ACTN4: variants seen among roughly 807,000 people sequenced by gnomAD.
The protein encoded by ACTN4 is actinin alpha 4, also known as alpha-actinin-4.
ACTN4 carries 18 observed loss-of-function variants against 114.2 expected under a neutral mutation model. The observed-to-expected ratio is 0.16, with a 90% CI of 0.11 to 0.23. The LOEUF is 0.23. ACTN4 is among the 10% of genes least tolerant of loss of function. The probability of loss-of-function intolerance (pLI) is 1.00; values close to 1 mark genes in which losing one functional copy is unlikely to be tolerated. For synonymous variants in ACTN4, 515 were observed against 506.3 expected, an observed-to-expected ratio of 1.02 and a Z score of -0.23; for missense variants, 722 against 1,262.9, an observed-to-expected ratio of 0.57 and a Z score of 6.49.
rs1969414774 is a variant in ACTN4, at chr19:38,729,722, A to T, written c.*290A>T. The T allele has an allele frequency of 6.6e-6, 4 of 607,586 alleles. No homozygotes were observed. Among genetic ancestry groups the T allele is most frequent in the Non-Finnish European group, 1.2e-5 (4 of 326,624 alleles). The allele number at this position is 607,586 out of a possible 1,614,324, so 37.6% of individuals were successfully genotyped here. A position where few individuals can be genotyped will look rare whatever the true frequency, so the allele number is the denominator to read the frequency against. On this transcript the variant is annotated 3_prime_UTR_variant, in exon 21 of 21. Coordinates refer to ENST00000252699, the MANE Select transcript of ACTN4 (RefSeq NM_004924.6). Reference sequence around the variant, plus strand: ...CAAGGAGGGGCCAGTGGATTCCCACAGCACAACCGGTCCCTTCCATGCCCT... The same window carrying T: ...CAAGGAGGGGCCAGTGGATTCCCACTGCACAACCGGTCCCTTCCATGCCCT...
chr19:38,726,052 G>T (rs1969222153), intron 17 of ACTN4, 149 bp downstream of exon 17: 12 of 1,114,568 alleles, frequency 1.1e-5, no homozygotes, highest in Non-Finnish European at 1.5e-5. Flanking sequence ...ACTTTGGGAG[G>T]CCAAGTGGGA....
rs1425695707 is a variant in ACTN4 at position 38,714,519 on chromosome 19, G to C, written c.870G>C (p.Glu290Asp). ...RICKVLAVNQ[E>D]NEHLMEDYEK... ...GTAAGGTGCTGGCTGTCAACCAAGA[G>C]AACGAGCACCTGATGGAGGACTACG... is the stretch of plus-strand genomic sequence containing the variant. Residue 290 changes from glutamate (E) to aspartate (D), a missense_variant, in exon 9 of 21, where the codon GAG becomes GAC. By Grantham distance (45) the Glu-to-Asp change is conservative (BLOSUM62 2). Coordinates refer to ENST00000252699, the MANE Select transcript of ACTN4 (RefSeq NM_004924.6). 1 of 1,613,826 alleles carries C rather than the reference G, an allele frequency of 6.2e-7. No homozygotes were observed. The highest frequency in any genetic ancestry group is 8.5e-7 in the Non-Finnish European group (1 of 1,180,028).
At position 38,730,666 on chromosome 19, in the gene ACTN4, T is replaced by C. The variant is rs1969514668; in HGVS notation, c.*1234T>C. On this transcript the variant is annotated 3_prime_UTR_variant, in exon 21 of 21. Transcript: ENST00000252699. ...TCATCTGCTCGAGAAGGGCTGTCGCTGTTCTTGTTTCTGAGTGAGGAGTAC... is the reference window on the plus strand; with the variant it reads ...TCATCTGCTCGAGAAGGGCTGTCGCCGTTCTTGTTTCTGAGTGAGGAGTAC... 4.5e-6 allele frequency: 3 copies of C among 667,846 alleles called. No individual in the cohort carries two copies. Among genetic ancestry groups the C allele is most frequent in the Non-Finnish European group, 7.8e-6 (3 of 385,224 alleles). The allele number at this position is 667,846 out of a possible 1,614,324, so 41.4% of individuals were successfully genotyped here. A position where few individuals can be genotyped will look rare whatever the true frequency, so the allele number is the denominator to read the frequency against.
In ACTN4 at chr19:38,704,915, C is replaced by T. The variant is rs776806193; in HGVS notation, c.398-19C>T. 2 of 1,611,604 alleles carry T rather than the reference C, an allele frequency of 1.2e-6. No individual in the cohort carries two copies. Among genetic ancestry groups the T allele is most frequent in the East Asian group, 2.2e-5 (1 of 44,878 alleles). On this transcript the variant is annotated intron_variant, in intron 3 of 20. Transcript: ENST00000252699. ...GGTTTTAACGACCTTCTGCCCTCTG[C>T]CCCCTTCCCTGTGTGCAGAGATTGT...
intron 1 of ACTN4, among the ~76,000 whole-genome samples, chr19:38,695,143 G>A (rs1047098904): frequency 6.6e-6 from 1 of 152,214 alleles, no homozygotes; most frequent in Non-Finnish European, 1.5e-5. Flanking sequence ...CTAAAGTGCT[G>A]GGATTACATG....
chr19:38,721,742 A>G, intron 12 of ACTN4, 54 bp downstream of exon 12: 1 of 1,603,776 alleles, frequency 6.2e-7, no homozygotes, highest in Non-Finnish European at 8.5e-7. Flanking sequence ...CAGCCTGCCC[A>G]GACTGGTGGC....
chr19:38,723,809 TC>T (rs1969131002), intron 13 of ACTN4, 87 bp downstream of exon 13: 4 of 1,448,158 alleles, frequency 2.8e-6, no homozygotes, highest in Non-Finnish European at 3.8e-6. Flanking sequence ...ACCTGTGAGC[TC>T]CCCCCACCTC....
intron 9 of ACTN4, 53 bp downstream of exon 9, chr19:38,714,614 G>A (rs977405124): frequency 6.4e-7 from 1 of 1,573,172 alleles, no homozygotes. Flanking sequence ...TCAGCCAGAG[G>A]TCACTGTGAC....
At chr19:38,719,969 TA>T in intron 11 of ACTN4, among the ~76,000 whole-genome samples, 1 of 152,216 alleles carries the variant, frequency 6.6e-6, no homozygotes. Flanking sequence ...GCCCCACCCC[TA>T]CCTGACTGGG....
chr19:38,729,224 G>T (rs778813701), intron 20 of ACTN4, 50 bp from the exon 21 acceptor site: 1 of 1,612,164 alleles, frequency 6.2e-7, no homozygotes, highest in Non-Finnish European at 8.5e-7. Context: ...GGGCTGAGGG[G>T]GCCAGTGTGT....
chr19:38,719,698 C>T (rs1968970402), intron 11 of ACTN4, among the ~76,000 whole-genome samples: 2 of 152,268 alleles, frequency 1.3e-5, no homozygotes, highest in Admixed American at 1.3e-4. Flanking sequence ...CTCCAGCCGT[C>T]CTTATCCATG....
chr19:38,731,228 G>C lies in ACTN4; in HGVS notation c.*1796G>C. 6.2e-7 allele frequency: 1 copy of C among 1,611,500 alleles called. No homozygotes were observed. Among genetic ancestry groups the C allele is most frequent in the East Asian group, 2.2e-5 (1 of 44,868 alleles). ...GCTGGTTGTTCAGGTGGAAGCCTAGGGGGAGGCTGCTTCTGAGCCCAGTGG... is the reference window on the plus strand; with the variant it reads ...GCTGGTTGTTCAGGTGGAAGCCTAGCGGGAGGCTGCTTCTGAGCCCAGTGG... On this transcript the variant is annotated 3_prime_UTR_variant, in exon 21 of 21. Transcript: ENST00000252699.
chr19:38,647,843 C>A lies in ACTN4; in HGVS notation c.98C>A (p.Ala33Asp). The stretch of plus-strand genomic sequence containing the variant: ...GGGGGCAGCATGGGCGACTACATGG[C>A]CCAGGAGGACGACTGGGACCGGGAC... The part of the protein sequence containing the change: ...GGGGSMGDYM[A>D]QEDDWDRDLL... The change falls in exon 1 of 21, where the codon GCC (alanine) becomes GAC (aspartate). Residue 33 changes from alanine (A) to aspartate (D), a missense_variant. By Grantham distance (126) the Ala-to-Asp change is moderately radical (BLOSUM62 -2). Coordinates refer to ENST00000252699, the MANE Select transcript of ACTN4 (RefSeq NM_004924.6). The A allele has an allele frequency of 6.5e-7, 1 of 1,549,666 alleles. No individual in the cohort carries two copies. Among genetic ancestry groups the A allele is most frequent in the Non-Finnish European group, 8.7e-7 (1 of 1,148,748 alleles).
At chr19:38,680,212 GTTTTTTTTTTTTTT>G (rs75920199) in intron 1 of ACTN4, among the ~76,000 whole-genome samples, 53,369 of 126,086 alleles carry the variant, frequency 0.42, 11,499 homozygotes, top group East Asian at 0.56. Flanking sequence ...AGCTCAGGAA[GTTTTTTTTTTTTTT>G]TTTTTTTTTT....
Position 38,731,272 on chromosome 19 carries a change from TGGCATTGCATCCCC to T in ACTN4, c.*1841_*1854del, listed in dbSNP as rs769068520. On this transcript the variant is annotated 3_prime_UTR_variant, in exon 21 of 21. Coordinates refer to ENST00000252699, the MANE Select transcript of ACTN4 (RefSeq NM_004924.6). ...CCAGTGGCCCACAGGGAACCCACCT[TGGCATTGCATCCCC>T]ACCCCACCTCCTCAGGGAGGACATG... is the stretch of plus-strand genomic sequence containing the variant. 3.3e-5 allele frequency: 48 copies of T among 1,437,576 alleles called. No individual in the cohort carries two copies. The highest frequency in any genetic ancestry group is 4.7e-5 in the Non-Finnish European group (48 of 1,024,160). 89.1% of individuals were successfully genotyped at this position (1,437,576 alleles called of 1,614,324 possible).
At chr19:38,650,222 C>T (rs1976518358) in intron 1 of ACTN4, among the ~76,000 whole-genome samples, 1 of 152,086 alleles carries the variant, frequency 6.6e-6, no homozygotes, top group African/African-American at 2.4e-5. Flanking sequence ...CCTTTTCTCT[C>T]CCTTCCTGTC....
chr19:38,669,913 A>G (rs903948870), intron 1 of ACTN4, among the ~76,000 whole-genome samples: 1 of 152,172 alleles, frequency 6.6e-6, no homozygotes, highest in African/African-American at 2.4e-5. Context: ...AGGCAATTGC[A>G]GTCCAGCCAA....
intron 1 of ACTN4, among the ~76,000 whole-genome samples, chr19:38,699,231 TAGCCGGGCACCACCAGGAGGCTGC>T (rs1242278527): frequency 2.6e-5 from 4 of 152,134 alleles, no homozygotes; most frequent in Non-Finnish European, 5.9e-5. Flanking sequence ...GGGGGCTGAG[TAGCCGGGCACCACCAGGAGGCTGC>T]GTGCCCTGTG....
chr19:38,730,942 C>G lies in ACTN4; in HGVS notation c.*1510C>G, dbSNP rs759994202. The G allele has an allele frequency of 3.2e-6, 5 of 1,550,424 alleles. No homozygotes were observed. The African/African-American group carries it at 5.5e-5, about 17-fold the overall frequency. On this transcript the variant is annotated 3_prime_UTR_variant, in exon 21 of 21. Coordinates refer to ENST00000252699, the MANE Select transcript of ACTN4 (RefSeq NM_004924.6). ...GCTCGCAGGACAGAGCCTGAGCCAC[C>G]CTGTCCCTCCCACCTGGCTCACCTG...
Sources: allele counts gnomAD v4.1 joint callset (sites outside exome capture counted in the v4.1 genomes callset), GRCh38; gene constraint gnomAD v4.1.1; transcripts MANE v1.5; gene names NCBI Gene and HGNC (gene_info 2026-07-23, HGNC 2026-07-21).